CFAP119: variants seen among roughly 807,000 people sequenced by gnomAD.
CFAP119 encodes cilia- and flagella-associated protein 119.
At chr16:30,759,652 A>C in the CFAP119 span, 6 of 1,613,882 alleles carry the variant, frequency 3.7e-6, no homozygotes, top group Admixed American at 1.7e-5. Context: ...AGGGGAACTG[A>C]CCCTGACTCC....
chr16:30,759,782 T>G, the CFAP119 span: 17 of 1,551,346 alleles, frequency 1.1e-5, no homozygotes, highest in Admixed American at 9.9e-5. Context: ...TTCATTCACT[T>G]CACTCAACAG....
the CFAP119 span, chr16:30,761,260 G>C: frequency 6.2e-7 from 1 of 1,613,544 alleles, no homozygotes; most frequent in Non-Finnish European, 8.5e-7. Flanking sequence ...GGGGAAGGCA[G>C]CTGCGGTGTC....
chr16:30,761,245 G>C, the CFAP119 span: 1 of 1,613,722 alleles, frequency 6.2e-7, no homozygotes, highest in Non-Finnish European at 8.5e-7. Flanking sequence ...GAAAGAAAGC[G>C]AATTGGGGAA....
the CFAP119 span, chr16:30,759,488 G>A: frequency 6.2e-7 from 1 of 1,614,202 alleles, no homozygotes; most frequent in Non-Finnish European, 8.5e-7. Context: ...TTAGAACCCT[G>A]ACTACCTTCC....
chr16:30,761,471 A>T, the CFAP119 span: 1 of 1,524,972 alleles, frequency 6.6e-7, no homozygotes, highest in Non-Finnish European at 8.8e-7. Flanking sequence ...GTTAGTAAGC[A>T]TAATGACAGG....
At chr16:30,758,612 G>A in the CFAP119 span, 1 of 245,350 alleles carries the variant, frequency 4.1e-6, no homozygotes, top group African/African-American at 2.3e-5. Flanking sequence ...CTGGAGTGCA[G>A]TGGCCAGATC....
chr16:30,758,706 C>T, the CFAP119 span: 37 of 381,968 alleles, frequency 9.7e-5, no homozygotes, highest in East Asian at 2.2e-3. Flanking sequence ...CAAGCGCGCA[C>T]CACCATGCCT....
chr16:30,759,953 T>A, the CFAP119 span: 1 of 1,447,032 alleles, frequency 6.9e-7, no homozygotes, highest in Non-Finnish European at 9.0e-7. Flanking sequence ...GAAGCTTATA[T>A]TCTAGGGGAA....
chr16:30,757,551 C>G, the CFAP119 span: 7 of 1,614,104 alleles, frequency 4.3e-6, no homozygotes, highest in Middle Eastern at 1.6e-4. Context: ...TGCTGCTGAG[C>G]CTTTCCTCGC....
At chr16:30,760,377 G>A in the CFAP119 span, 8 of 1,614,086 alleles carry the variant, frequency 5.0e-6, no homozygotes, top group African/African-American at 8.0e-5. Flanking sequence ...ATGAGCGCGT[G>A]GCAGAAGAGG....
the CFAP119 span, chr16:30,761,319 C>T: frequency 6.4e-7 from 1 of 1,570,036 alleles, no homozygotes; most frequent in Non-Finnish European, 8.8e-7. Flanking sequence ...CTGTAACTTG[C>T]CATCTCATCT....
the CFAP119 span, chr16:30,761,935 C>CA: frequency 4.9e-6 from 3 of 616,708 alleles, no homozygotes; most frequent in Non-Finnish European, 5.5e-6. Flanking sequence ...CGACGGTTGC[C>CA]AAGGGGGCTT....
chr16:30,760,854 C>T, the CFAP119 span: 8 of 638,462 alleles, frequency 1.3e-5, no homozygotes, highest in Admixed American at 2.6e-5. Flanking sequence ...CTCTCCATTT[C>T]TAAAGCCTAG....
At chr16:30,757,656 T>A in the CFAP119 span, 1 of 1,609,278 alleles carries the variant, frequency 6.2e-7, no homozygotes, top group Non-Finnish European at 8.5e-7. Context: ...GGATGTGGCC[T>A]GCAGGGGCAG....
the CFAP119 span, chr16:30,757,921 A>G: frequency 1.2e-6 from 1 of 821,258 alleles, no homozygotes; most frequent in Non-Finnish European, 1.7e-6. Context: ...TCTGTGCCTC[A>G]GTTTCCTTGT....
the CFAP119 span, chr16:30,760,948 C>G: frequency 1.6e-6 from 1 of 609,770 alleles, no homozygotes. Flanking sequence ...CCTCAGTGTC[C>G]CCCTCTGTAC....
At chr16:30,758,941 G>C in the CFAP119 span, 2 of 1,590,246 alleles carry the variant, frequency 1.3e-6, no homozygotes, top group Admixed American at 3.5e-5. Context: ...CTGAAGTCCT[G>C]ATGTCATCCA....
the CFAP119 span, chr16:30,760,786 C>G: frequency 1.1e-6 from 1 of 883,708 alleles, no homozygotes; most frequent in Non-Finnish European, 1.8e-6. Context: ...CTTTTGCCAG[C>G]TTGCTGTGTG....
chr16:30,759,468 TGACTCG>T, the CFAP119 span: 25 of 1,614,058 alleles, frequency 1.5e-5, no homozygotes, highest in East Asian at 5.3e-4. Flanking sequence ...GCTGTGGTGG[TGACTCG>T]GAATTAGAAC....
Sources: gnomAD v4.1 joint callset for allele counts on GRCh38, gnomAD v4.1.1 for gene constraint, MANE v1.5 for transcripts, NCBI Gene and HGNC (gene_info 2026-07-23, HGNC 2026-07-21) for gene names.